SWAP70: variants seen among roughly 807,000 people sequenced by gnomAD.
The protein encoded by SWAP70 is switch-associated protein 70.
SWAP70 carries 34 observed loss-of-function variants against 80.2 expected under a neutral mutation model. That is an observed-to-expected ratio of 0.42 (90% CI 0.32 to 0.56). The LOEUF is 0.56. SWAP70 is among the 20% of genes least tolerant of loss of function. The pLI is 0.09. For missense variants in SWAP70, 578 were observed against 690.7 expected, an observed-to-expected ratio of 0.84 and a Z score of 1.83; for synonymous variants, 239 against 238.5, an observed-to-expected ratio of 1.00 and a Z score of -0.02.
intron 7 of SWAP70, among the ~76,000 whole-genome samples, chr11:9,735,049 T>C (rs1851346066): frequency 6.6e-6 from 1 of 152,226 alleles, no homozygotes; most frequent in South Asian, 2.1e-4. Context: ...TAGATTTACT[T>C]AAAGAATTTA....
chr11:9,748,169 A>G (rs1435285264), intron 10 of SWAP70, 113 bp downstream of exon 10: 8 of 1,145,244 alleles, frequency 7.0e-6, no homozygotes, highest in Non-Finnish European at 9.7e-6. Context: ...AATCTTGCTT[A>G]GCTGTAAGAA....
intron 1 of SWAP70, among the ~76,000 whole-genome samples, chr11:9,676,934 T>C (rs1197250409): frequency 6.6e-6 from 1 of 152,148 alleles, no homozygotes; most frequent in Non-Finnish European, 1.5e-5. Flanking sequence ...ATTACAGGCG[T>C]GAGCCACTGT....
intron 2 of SWAP70, among the ~76,000 whole-genome samples, chr11:9,702,457 G>T (rs767210164): frequency 6.6e-6 from 1 of 151,170 alleles, no homozygotes; most frequent in Non-Finnish European, 1.5e-5. Flanking sequence ...TGTTGCCCAC[G>T]CTGGAGTGCA....
chr11:9,714,472 A>G (rs1851039448), intron 3 of SWAP70, among the ~76,000 whole-genome samples: 3 of 152,164 alleles, frequency 2.0e-5, no homozygotes, highest in Non-Finnish European at 4.4e-5. Context: ...TATTACATGC[A>G]TTTTTGCATA....
intron 9 of SWAP70, among the ~76,000 whole-genome samples, chr11:9,746,471 G>A (rs541281323): frequency 6.6e-6 from 1 of 152,344 alleles, no homozygotes; most frequent in African/African-American, 2.4e-5. Flanking sequence ...TCAACTGAGT[G>A]AATAAACTCT....
At chr11:9,739,592 C>T (rs968867885) in intron 8 of SWAP70, among the ~76,000 whole-genome samples, 16 of 152,286 alleles carry the variant, frequency 1.1e-4, no homozygotes, top group African/African-American at 3.6e-4. Flanking sequence ...ATTTTTAAGG[C>T]AGGGATTCAA....
chr11:9,684,751 G>A (rs888419985), intron 1 of SWAP70, among the ~76,000 whole-genome samples: 4 of 152,064 alleles, frequency 2.6e-5, no homozygotes, highest in African/African-American at 9.7e-5. Context: ...TAAATGCAAA[G>A]ACCCAGATCT....
At chr11:9,676,736 G>T (rs561576442) in intron 1 of SWAP70, among the ~76,000 whole-genome samples, 36 of 147,222 alleles carry the variant, frequency 2.4e-4, no homozygotes, top group African/African-American at 9.0e-4. Context: ...TGCAAGCTCC[G>T]CCTCCTGGGT....
intron 8 of SWAP70, among the ~76,000 whole-genome samples, chr11:9,739,081 C>T (rs1376579304): frequency 2.0e-5 from 3 of 152,182 alleles, no homozygotes; most frequent in Non-Finnish European, 2.9e-5. Context: ...GCAAGGATGG[C>T]GGGGGTGAGA....
chr11:9,749,192 C>T lies in SWAP70; in HGVS notation c.1651+9C>T. Reference sequence around the variant, plus strand: ...TCGACTGATAGAACCAGGTAACAGACTCTATGAAGTAATCATATATTTATT... The same window carrying T: ...TCGACTGATAGAACCAGGTAACAGATTCTATGAAGTAATCATATATTTATT... On this transcript the variant is annotated intron_variant, in intron 11 of 11. Coordinates refer to ENST00000318950, the MANE Select transcript of SWAP70 (RefSeq NM_015055.4). 6.8e-7 allele frequency: 1 copy of T among 1,470,936 alleles called. No individual in the cohort carries two copies. Among genetic ancestry groups the T allele is most frequent in the Non-Finnish European group, 9.2e-7 (1 of 1,082,104 alleles). 91.1% of individuals were successfully genotyped at this position (1,470,936 alleles called of 1,614,324 possible).
intron 9 of SWAP70, among the ~76,000 whole-genome samples, chr11:9,744,711 C>T (rs1460909275): frequency 6.6e-6 from 1 of 152,000 alleles, no homozygotes; most frequent in Non-Finnish European, 1.5e-5. Context: ...AGTTTGAGAC[C>T]AGCCTGGCCA....
intron 5 of SWAP70, 123 bp downstream of exon 5, chr11:9,728,322 A>G (rs1403214472): frequency 1.8e-6 from 2 of 1,116,942 alleles, no homozygotes; most frequent in Non-Finnish European, 2.4e-6. Context: ...TACATTTCCA[A>G]AATAATATAG....
intron 1 of SWAP70, among the ~76,000 whole-genome samples, chr11:9,680,523 C>G (rs963656570): frequency 1.3e-5 from 2 of 152,102 alleles, no homozygotes; most frequent in African/African-American, 2.4e-5. Flanking sequence ...TCAAGTGATT[C>G]TCCTGCCTCA....
rs763973617 is a variant in SWAP70 at position 9,664,236 on chromosome 11, CGACCAG to C, written c.63_68del (p.Gln21_Asp22del). On this transcript the variant is annotated inframe_deletion, in exon 1 of 12. Transcript: ENST00000318950. ...CCATCTGGCACGCCTTCACCGCACT[CGACCAG>C]GACCACAGCGGCAAGGTCTCCAAGT... is the stretch of plus-strand genomic sequence containing the variant. 5.6e-6 allele frequency: 9 copies of C among 1,594,960 alleles called. 1 individual carries two copies. In the Middle Eastern group the frequency reaches 6.7e-4, roughly 118 times the overall value.
At chr11:9,709,422 C>T (rs558944650) in intron 2 of SWAP70, among the ~76,000 whole-genome samples, 118 of 152,350 alleles carry the variant, frequency 7.7e-4, no homozygotes, top group Non-Finnish European at 7.3e-5. Flanking sequence ...AGCCACCACA[C>T]CTTGCTGAGC....
intron 1 of SWAP70, among the ~76,000 whole-genome samples, chr11:9,678,526 A>G (rs939415165): frequency 2.1e-5 from 3 of 141,522 alleles, no homozygotes; most frequent in African/African-American, 7.8e-5. Flanking sequence ...CGAAAATAAC[A>G]CGTAAACTCT....
At chr11:9,678,357 TAA>T (rs1398065764) in intron 1 of SWAP70, among the ~76,000 whole-genome samples, 1 of 152,080 alleles carries the variant, frequency 6.6e-6, no homozygotes, top group East Asian at 1.9e-4. Context: ...GGCAGCTCTC[TAA>T]ATAAAGAGAA....
chr11:9,689,333 A>G (rs1309626605), intron 1 of SWAP70, among the ~76,000 whole-genome samples: 1 of 152,360 alleles, frequency 6.6e-6, no homozygotes, highest in East Asian at 1.9e-4. Flanking sequence ...GGAACAGACC[A>G]CACGAGCAGG....
At chr11:9,687,781 G>A (rs1850650424) in intron 1 of SWAP70, among the ~76,000 whole-genome samples, 1 of 152,118 alleles carries the variant, frequency 6.6e-6, no homozygotes, top group Non-Finnish European at 1.5e-5. Context: ...GGATGCAGAA[G>A]GAAAATATTT....
Sources: gnomAD v4.1 joint callset for allele counts (sites outside exome capture counted in the v4.1 genomes callset) on GRCh38, gnomAD v4.1.1 for gene constraint, MANE v1.5 for transcripts, NCBI Gene and HGNC (gene_info 2026-07-23, HGNC 2026-07-21) for gene names.